The following BMP8B variants were observed in gnomAD, a reference collection of about 807,000 sequenced individuals.
The protein encoded by BMP8B is bone morphogenetic protein 8b.
A neutral mutation model predicts 30.3 loss-of-function variants in BMP8B; 17 were observed. The observed-to-expected ratio is 0.56, with a 90% CI of 0.38 to 0.84. BMP8B has a LOEUF of 0.84. BMP8B is among the 40% of genes least tolerant of loss of function. The probability of loss-of-function intolerance (pLI) is 0.00; values close to 1 mark genes in which losing one functional copy is unlikely to be tolerated. For missense variants in BMP8B, 253 were observed against 494.6 expected, an observed-to-expected ratio of 0.51 and a Z score of 4.63; for synonymous variants, 131 against 214.7, an observed-to-expected ratio of 0.61 and a Z score of 3.41.
At chr1:39,775,865 C>A (rs1159448042) in intron 1 of BMP8B, among the ~76,000 whole-genome samples, 1 of 149,100 alleles carries the variant, frequency 6.7e-6, no homozygotes, top group Non-Finnish European at 1.5e-5. Context: ...GTGATGGGAT[C>A]TGAGCAGGTG....
At chr1:39,778,306 C>A (rs1242532829) in intron 1 of BMP8B, among the ~76,000 whole-genome samples, 1 of 151,812 alleles carries the variant, frequency 6.6e-6, no homozygotes, top group Non-Finnish European at 1.5e-5. Flanking sequence ...CCCGGCCTGG[C>A]CCCTGAGGGT....
rs138636154 is a variant in BMP8B, at chr1:39,760,164, G to C, written c.*255C>G. ...CAGCCAGGACATGCCTCCGGGAGAG[G>C]CGTTTGCATTTGGGTAGAACACTGC... is the stretch of plus-strand genomic sequence containing the variant. On this transcript the variant is annotated 3_prime_UTR_variant, in exon 7 of 7. Coordinates refer to ENST00000372827, the MANE Select transcript of BMP8B (RefSeq NM_001720.5). The C allele has an allele frequency of 2.7e-4, 158 of 594,380 alleles. No homozygotes were observed. The African/African-American group carries it at 2.8e-3, about 11-fold the overall frequency. The allele number at this position is 594,380 out of a possible 1,614,324, so 36.8% of individuals were successfully genotyped here.
rs570949944 is a variant in BMP8B at position 39,759,706 on chromosome 1, G to C, written c.*713C>G. On this transcript the variant is annotated 3_prime_UTR_variant, in exon 7 of 7. Transcript: ENST00000372827. ...CAATTGGAAGCCCCAAGATTTTTCT[G>C]TTTCTCCAAAGTAAAATGTCCATGC... 5 of 152,338 alleles carry C rather than the reference G, an allele frequency of 3.3e-5. No homozygotes were observed. The highest frequency in any genetic ancestry group is 2.0e-4 in the Admixed American group (3 of 15,302). 9.4% of individuals were successfully genotyped at this position (152,338 alleles called of 1,614,324 possible).
chr1:39,778,816 C>A (rs1361163307), intron 1 of BMP8B, among the ~76,000 whole-genome samples: 1 of 152,178 alleles, frequency 6.6e-6, no homozygotes, highest in African/African-American at 2.4e-5. Context: ...GTCATGGTGA[C>A]GCATCCTCTC....
At position 39,758,252 on chromosome 1, in the gene BMP8B, C is replaced by T. The variant is rs550246202; in HGVS notation, c.*2167G>A. On this transcript the variant is annotated 3_prime_UTR_variant, in exon 7 of 7. Coordinates refer to ENST00000372827, the MANE Select transcript of BMP8B (RefSeq NM_001720.5). ...GTTCCATAATTTCATTTTGTTGAGA[C>T]AACAGTTTTGCTCATGTCACCAGGC... The T allele has an allele frequency of 3.3e-4, 50 of 152,292 alleles. No individual in the cohort carries two copies. The highest frequency in any genetic ancestry group is 1.2e-3 in the African/African-American group (50 of 41,564). 9.4% of individuals were successfully genotyped at this position (152,292 alleles called of 1,614,324 possible).
At chr1:39,782,155 A>G (rs1337799069) in intron 1 of BMP8B, among the ~76,000 whole-genome samples, 1 of 151,272 alleles carries the variant, frequency 6.6e-6, no homozygotes, top group African/African-American at 2.4e-5. Context: ...CCATCTCAAA[A>G]AAAAAAAAAA....
At chr1:39,776,504 G>A (rs1279893731) in intron 1 of BMP8B, among the ~76,000 whole-genome samples, 3 of 152,304 alleles carry the variant, frequency 2.0e-5, no homozygotes, top group African/African-American at 4.8e-5. Flanking sequence ...TGTGCGGGCC[G>A]AGGCGGATGT....
rs531476516 is a variant in BMP8B at position 39,762,588 on chromosome 1, G to A, written c.1059+504C>T. On this transcript the variant is annotated intron_variant, in intron 6 of 6. Coordinates refer to ENST00000372827, the MANE Select transcript of BMP8B (RefSeq NM_001720.5). ...ACAAAGATGGCCAAGAGAGAAACTG[G>A]GGGAAAAGCCAAAAGGTTGAGAGCC... is the stretch of plus-strand genomic sequence containing the variant. The A allele has an allele frequency of 2.2e-5, 34 of 1,549,372 alleles. No homozygotes were observed. The African/African-American group carries it at 3.9e-4, about 18-fold the overall frequency.
intron 4 of BMP8B, among the ~76,000 whole-genome samples, chr1:39,764,245 G>A (rs1161274156): frequency 1.3e-5 from 2 of 152,206 alleles, no homozygotes; most frequent in African/African-American, 4.8e-5. Context: ...ATCCTGAAGG[G>A]CTTGGCCCAG....
At chr1:39,770,203 G>T in intron 3 of BMP8B, 1 of 1,414,922 alleles carries the variant, frequency 7.1e-7, no homozygotes. Flanking sequence ...CATCTTCCGT[G>T]GGAAACGGGC....
At chr1:39,776,457 C>T (rs542814124) in intron 1 of BMP8B, among the ~76,000 whole-genome samples, 5 of 152,198 alleles carry the variant, frequency 3.3e-5, no homozygotes, top group Non-Finnish European at 7.3e-5. Context: ...GGTTACTGGG[C>T]TCAGTGACCA....
At chr1:39,786,891 C>A (rs1222068037) in intron 1 of BMP8B, among the ~76,000 whole-genome samples, 1 of 152,260 alleles carries the variant, frequency 6.6e-6, no homozygotes, top group Non-Finnish European at 1.5e-5. Context: ...GCCATGCCCT[C>A]TTCTGTCCTA....
Position 39,784,043 on chromosome 1 carries a change from C to T in BMP8B, c.334+4109G>A, listed in dbSNP as rs538270471. 7.9e-5 allele frequency among the ~76,000 whole-genome samples: 12 copies of T among 152,324 alleles called. 1 individual carries two copies. Among genetic ancestry groups the T allele is most frequent in the Admixed American group, 7.8e-4 (12 of 15,302 alleles). On this transcript the variant is annotated intron_variant, in intron 1 of 6. Coordinates refer to ENST00000372827, the MANE Select transcript of BMP8B (RefSeq NM_001720.5). ...CCTGGGCTGTGTGGAGAGGCAGCTG[C>T]TATTTTGGAGAAGAGCAGAAGATGT...
At chr1:39,775,750 A>T (rs1356359957) in intron 1 of BMP8B, among the ~76,000 whole-genome samples, 1 of 152,240 alleles carries the variant, frequency 6.6e-6, no homozygotes, top group Non-Finnish European at 1.5e-5. Context: ...AACAAGCTGG[A>T]AGAGGAAGGA....
Position 39,779,031 on chromosome 1 carries a change from C to T in BMP8B, c.335-3993G>A, listed in dbSNP as rs485407. Reference sequence around the variant, plus strand: ...GGTTTCCAGGGTTAGATTAGAGGCCCGTGTCAGATTAGAGGCCTGTGATGT... The same window carrying T: ...GGTTTCCAGGGTTAGATTAGAGGCCTGTGTCAGATTAGAGGCCTGTGATGT... On this transcript the variant is annotated intron_variant, in intron 1 of 6. Coordinates refer to ENST00000372827, the MANE Select transcript of BMP8B (RefSeq NM_001720.5). Among the ~76,000 whole-genome samples the T allele has an allele frequency of 4.8e-3, 728 of 152,266 alleles. 6 individuals carry two copies. Among genetic ancestry groups the T allele is most frequent in the African/African-American group, 0.017 (701 of 41,548 alleles).
chr1:39,762,975 A>G, intron 6 of BMP8B, 117 bp downstream of exon 6: 1 of 1,304,460 alleles, frequency 7.7e-7, no homozygotes, highest in Non-Finnish European at 1.1e-6. Context: ...CTGTGCAGAC[A>G]AAGCCCCCTG....
In BMP8B at chr1:39,760,508, C is replaced by G. The variant is rs754815102; in HGVS notation, c.1120G>C (p.Ala374Pro). ...KACCAPTKLSATSVLYYDSSN... is the reference protein window; with the variant it reads ...KACCAPTKLSPTSVLYYDSSN... Reference sequence around the variant, plus strand: ...CTGTCATAGTAGAGCACAGAGGTGGCGCTCAGCTTGGTGGGTGCACAGCAC... The same window carrying G: ...CTGTCATAGTAGAGCACAGAGGTGGGGCTCAGCTTGGTGGGTGCACAGCAC... The change falls in exon 7 of 7, where the codon GCC becomes CCC. Residue 374 changes from alanine (A) to proline (P), a missense_variant. Coordinates refer to ENST00000372827, the MANE Select transcript of BMP8B (RefSeq NM_001720.5). 6.2e-7 allele frequency: 1 copy of G among 1,614,150 alleles called. No homozygotes were observed. Among genetic ancestry groups the G allele is most frequent in the Admixed American group, 1.7e-5 (1 of 60,016 alleles).
chr1:39,767,151 C>T (rs937496678), intron 3 of BMP8B, among the ~76,000 whole-genome samples: 1 of 152,080 alleles, frequency 6.6e-6, no homozygotes, highest in African/African-American at 2.4e-5. Context: ...CAGACCCTCA[C>T]AGAGCCCCTC....
Position 39,788,566 on chromosome 1 carries a change from G to A in BMP8B, c.-81C>T, listed in dbSNP as rs1651175387. ...CCGACCCAGGGCCTGGGGACGCCCC[G>A]ACGGCAAGGAGGCTGGGCTCGGCGG... On this transcript the variant is annotated 5_prime_UTR_variant, in exon 1 of 7. Transcript: ENST00000372827. This position sits in a 1 kb window ranked among gnomAD's most constrained non-coding sequence, Gnocchi z 5.8. 2.0e-6 allele frequency: 2 copies of A among 985,936 alleles called. No homozygotes were observed. The highest frequency in any genetic ancestry group is 2.4e-6 in the Non-Finnish European group (2 of 829,926). 61.1% of individuals were successfully genotyped at this position (985,936 alleles called of 1,614,324 possible).
Sources: allele counts gnomAD v4.1 joint callset (sites outside exome capture counted in the v4.1 genomes callset), GRCh38; gene constraint gnomAD v4.1.1; non-coding constraint Gnocchi (gnomAD v3.1); transcripts MANE v1.5; gene names NCBI Gene and HGNC (gene_info 2026-07-23, HGNC 2026-07-21).